Variants in SGCZ observed in about 807,000 individuals in gnomAD.
SGCZ encodes zeta-sarcoglycan.
SGCZ carries 40 observed loss-of-function variants against 41.3 expected under a neutral mutation model. The ratio of observed to expected loss-of-function variants is 0.97; its 90% confidence interval spans 0.75 to 1.26. The LOEUF (loss-of-function observed/expected upper bound fraction) is 1.26. Among genes scored for constraint, SGCZ ranks in the 50% most tolerant of loss-of-function variants. The pLI, the probability that SGCZ is intolerant of heterozygous loss-of-function variation, is 0.00. For synonymous variants in SGCZ, 206 were observed against 137.5 expected, an observed-to-expected ratio of 1.50 and a Z score of -3.49; for missense variants, 552 against 369.8, an observed-to-expected ratio of 1.49 and a Z score of -4.04.
At chr8:14,954,811 C>T (rs1800744833) in intron 1 of SGCZ, among the ~76,000 whole-genome samples, 1 of 152,046 alleles carries the variant, frequency 6.6e-6, no homozygotes, top group Admixed American at 6.5e-5. Flanking sequence ...AGCAAAGGAC[C>T]CATTCTTATT....
intron 1 of SGCZ, among the ~76,000 whole-genome samples, chr8:14,809,855 A>G (rs1801687088): frequency 6.6e-6 from 1 of 152,122 alleles, no homozygotes; most frequent in Non-Finnish European, 1.5e-5. Context: ...TAAGAACGCA[A>G]GCCATAAGAA....
intron 7 of SGCZ, among the ~76,000 whole-genome samples, chr8:14,092,587 G>T (rs1801721425): frequency 6.6e-6 from 1 of 151,922 alleles, no homozygotes; most frequent in African/African-American, 2.4e-5. Context: ...GTTAAATCAT[G>T]GGGGCAGTTT....
intron 2 of SGCZ, among the ~76,000 whole-genome samples, chr8:14,479,787 A>T (rs73188292): frequency 7.6e-6 from 1 of 130,902 alleles, no homozygotes; most frequent in African/African-American, 3.0e-5. Context: ...TAGCTCTTGC[A>T]GTGCTTGGAG....
chr8:14,238,429 TACAAGGATTTC>T (rs1318611509), intron 3 of SGCZ, among the ~76,000 whole-genome samples: 1 of 152,218 alleles, frequency 6.6e-6, no homozygotes, highest in Admixed American at 6.5e-5. Context: ...CTGTAAATCA[TACAAGGATTTC>T]ACAAGGAAGT....
intron 1 of SGCZ, among the ~76,000 whole-genome samples, chr8:14,689,243 T>C (rs1808721094): frequency 1.3e-5 from 2 of 152,078 alleles, no homozygotes; most frequent in South Asian, 4.1e-4. Context: ...ATAGCTTTTT[T>C]GAAAATTGAA....
chr8:14,612,083 A>T (rs375465650), intron 1 of SGCZ, among the ~76,000 whole-genome samples: 1 of 152,234 alleles, frequency 6.6e-6, no homozygotes, highest in Admixed American at 6.5e-5. Flanking sequence ...AACATTAGCT[A>T]TGAAAACGTA....
At chr8:14,688,627 G>A (rs998778980) in intron 1 of SGCZ, among the ~76,000 whole-genome samples, 14 of 152,196 alleles carry the variant, frequency 9.2e-5, no homozygotes, top group South Asian at 4.1e-4. Context: ...ATCAGGTAGC[G>A]TGACGCCTCC....
intron 5 of SGCZ, among the ~76,000 whole-genome samples, chr8:14,111,587 C>T (rs564526932): frequency 6.6e-6 from 1 of 152,176 alleles, no homozygotes; most frequent in Non-Finnish European, 1.5e-5. Context: ...ATGTTCAACA[C>T]TGCTTGATTA....
intron 1 of SGCZ, among the ~76,000 whole-genome samples, chr8:14,967,079 A>G (rs564304572): frequency 2.0e-5 from 3 of 152,196 alleles, no homozygotes; most frequent in Non-Finnish European, 4.4e-5. Context: ...TTTCATTTTC[A>G]TTAGCTCACA....
At chr8:15,081,986 C>T (rs10093615) in intron 1 of SGCZ, among the ~76,000 whole-genome samples, 20,929 of 152,062 alleles carry the variant, frequency 0.14, 2,563 homozygotes, top group African/African-American at 0.31. Context: ...TTATTATTCA[C>T]GCTTCTTAAC....
rs34411963 is a variant in SGCZ at position 15,078,147 on chromosome 8, C to CTTTTTTTT, written c.39+159430_39+159437dup. Among the ~76,000 whole-genome samples, 44 of 44,800 alleles carry CTTTTTTTT rather than the reference C, an allele frequency of 9.8e-4. 8 individuals are homozygous for CTTTTTTTT. The highest frequency in any genetic ancestry group is 3.2e-3 in the African/African-American group (37 of 11,552). 29.4% of individuals were successfully genotyped at this position (44,800 alleles called of 152,430 possible). On this transcript the variant is annotated intron_variant, in intron 1 of 7. Coordinates refer to ENST00000382080, the MANE Select transcript of SGCZ (RefSeq NM_139167.4). ...TGACAGCCTGTTGGCAGGAACTCTTCTTTTTTTTTTTTTTTTTTTTTTTTT... is the reference window on the plus strand; with the variant it reads ...TGACAGCCTGTTGGCAGGAACTCTTCTTTTTTTTTTTTTTTTTTTTTTTTTTTTTTTTT...
At chr8:14,222,431 G>A (rs998627545) in intron 4 of SGCZ, among the ~76,000 whole-genome samples, 10 of 152,020 alleles carry the variant, frequency 6.6e-5, no homozygotes, top group African/African-American at 2.4e-4. Flanking sequence ...GCCTCCCAAA[G>A]TGCTAAGATT....
chr8:14,827,421 G>T (rs998485329), intron 1 of SGCZ, among the ~76,000 whole-genome samples: 1 of 151,880 alleles, frequency 6.6e-6, no homozygotes, highest in Non-Finnish European at 1.5e-5. Context: ...GTTTTTAGTA[G>T]AGACAGGGTT....
chr8:14,396,747 G>T (rs75919806), intron 2 of SGCZ, among the ~76,000 whole-genome samples: 56 of 151,962 alleles, frequency 3.7e-4, no homozygotes, highest in African/African-American at 1.3e-3. Context: ...GAGCTCAGAT[G>T]AATAGAGTTA....
intron 3 of SGCZ, among the ~76,000 whole-genome samples, chr8:14,289,574 C>CT (rs1800769973): frequency 6.6e-6 from 1 of 151,938 alleles, no homozygotes; most frequent in Non-Finnish European, 1.5e-5. Flanking sequence ...CTCAACTGAC[C>CT]ATTGGTCTAT....
intron 1 of SGCZ, among the ~76,000 whole-genome samples, chr8:14,769,651 G>C (rs557537787): frequency 6.6e-6 from 1 of 151,934 alleles, no homozygotes. Flanking sequence ...AATTAGCTGG[G>C]CATGGTGGCA....
intron 1 of SGCZ, among the ~76,000 whole-genome samples, chr8:14,595,827 G>A (rs192740375): frequency 3.2e-4 from 48 of 152,188 alleles, no homozygotes; most frequent in African/African-American, 9.9e-4. Flanking sequence ...GACAATTGTC[G>A]CATTTTTAAG....
intron 2 of SGCZ, among the ~76,000 whole-genome samples, chr8:14,484,804 A>G (rs1329381040): frequency 3.9e-5 from 6 of 152,208 alleles, no homozygotes; most frequent in African/African-American, 1.4e-4. Context: ...CATTGTTGGT[A>G]ATGAACCATA....
intron 1 of SGCZ, among the ~76,000 whole-genome samples, chr8:15,196,894 G>A (rs887042508): frequency 6.6e-6 from 1 of 152,216 alleles, no homozygotes; most frequent in Non-Finnish European, 1.5e-5. Context: ...CACGGTTGTT[G>A]CTGGTTGGCA....
Sources: gnomAD v4.1 joint callset for allele counts (sites outside exome capture counted in the v4.1 genomes callset) on GRCh38, gnomAD v4.1.1 for gene constraint, MANE v1.5 for transcripts, NCBI Gene and HGNC (gene_info 2026-07-23, HGNC 2026-07-21) for gene names.